TPI1: variants seen among roughly 807,000 people sequenced by gnomAD.
TPI1 encodes the protein triosephosphate isomerase 1.
A neutral mutation model predicts 31.0 loss-of-function variants in TPI1; 11 were observed. The observed-to-expected ratio is 0.36, with a 90% CI of 0.22 to 0.59. The LOEUF (loss-of-function observed/expected upper bound fraction) is 0.59, where lower values mean the gene tolerates loss of function less well. TPI1 is among the 20% of genes least tolerant of loss of function. The pLI is 0.79. For missense variants in TPI1, 245 were observed against 319.7 expected (o/e 0.77, Z 1.78); for synonymous variants, 121 against 122.8 (o/e 0.99, Z 0.10).
rs782054747 is a variant in TPI1, at chr12:6,869,813, C to T, written c.543+40C>T. ...GAGCCCTGCCCTCATCCCAGCCTGCCTCAATAGGTTTGGACAGACACAGCC... is the reference window on the plus strand; with the variant it reads ...GAGCCCTGCCCTCATCCCAGCCTGCTTCAATAGGTTTGGACAGACACAGCC... On this transcript the variant is annotated intron_variant, in intron 5 of 6. Transcript: ENST00000396705. 2.5e-6 allele frequency: 4 copies of T among 1,606,444 alleles called. No homozygotes were observed. The Admixed American group carries it at 5.0e-5, about 20-fold the overall frequency.
Position 6,867,697 on chromosome 12 carries a change from G to A in TPI1, c.115+16G>A. The A allele has an allele frequency of 6.3e-7, 1 of 1,595,394 alleles. No individual in the cohort carries two copies. On this transcript the variant is annotated intron_variant, in intron 1 of 6. Coordinates refer to ENST00000396705, the MANE Select transcript of TPI1 (RefSeq NM_000365.6). The stretch of plus-strand genomic sequence containing the variant: ...GCCGACACCGGTAAGCCCTCGCCGA[G>A]GAGGGGTCTGGCCGGGCCGGGGCCG...
chr12:6,870,408 C>T lies in TPI1; in HGVS notation c.*25C>T. On this transcript the variant is annotated 3_prime_UTR_variant, in exon 7 of 7. Coordinates refer to ENST00000396705, the MANE Select transcript of TPI1 (RefSeq NM_000365.6). ...AGCCCCATCCATCTTCCCTACCCTT[C>T]CTGCCAAGCCAGGGACTAAGCAGCC... 6.4e-7 allele frequency: 1 copy of T among 1,564,456 alleles called. No homozygotes were observed. Among genetic ancestry groups the T allele is most frequent in the East Asian group, 2.2e-5 (1 of 44,660 alleles).
rs1591614894 is a variant in TPI1 at position 6,867,645 on chromosome 12, G to A, written c.79G>A (p.Gly27Ser). 2 of 1,611,788 alleles carry A rather than the reference G, an allele frequency of 1.2e-6. No individual in the cohort carries two copies. The highest frequency in any genetic ancestry group is 1.7e-6 in the Non-Finnish European group (2 of 1,179,346). ...GAAGCAGAGTCTGGGGGAGCTCATC[G>A]GCACTCTGAACGCGGCCAAGGTGCC... ...GRKQSLGELI[G>S]TLNAAKVPAD... Residue 27 changes from glycine (G) to serine (S), a missense_variant, in exon 1 of 7, where the codon GGC (glycine) becomes AGC (serine). Physicochemically the swap from Gly to Ser is moderately conservative, Grantham distance 56. This residue lies in a region of TPI1 where 95 missense variants were observed against 96.4 expected (regional missense o/e 0.99). Coordinates refer to ENST00000396705, the MANE Select transcript of TPI1 (RefSeq NM_000365.6).
Position 6,870,139 on chromosome 12 carries a change from G to A in TPI1, c.631+3G>A, listed in dbSNP as rs782339549. ...GAGCACCCGTATCATTTATGGAGGT[G>A]AGTGGCTTTGGTTCCCGGCTGAGGT... On this transcript the variant is annotated splice_donor_region_variant and intron_variant, in intron 6 of 6. Coordinates refer to ENST00000396705, the MANE Select transcript of TPI1 (RefSeq NM_000365.6). The A allele has an allele frequency of 9.3e-6, 15 of 1,612,482 alleles. No homozygotes were observed. The East Asian group carries it at 3.3e-4, about 36-fold the overall frequency.
At chr12:6,868,728 G>C in intron 1 of TPI1, 136 bp from the exon 2 acceptor site, 5 of 1,443,696 alleles carry the variant, frequency 3.5e-6, no homozygotes, top group Non-Finnish European at 4.7e-6. Context: ...AGGTCATCTT[G>C]CTGGGGTGAA....
rs199765467 is a variant in TPI1, at chr12:6,870,229, A to G, written c.632-36A>G. ...GGTGGGGATGGGGCAGACTCATCCCATTCTTGACCAAGCCCTTGTTCTGCT... is the reference window on the plus strand; with the variant it reads ...GGTGGGGATGGGGCAGACTCATCCCGTTCTTGACCAAGCCCTTGTTCTGCT... On this transcript the variant is annotated intron_variant, in intron 6 of 6. Coordinates refer to ENST00000396705, the MANE Select transcript of TPI1 (RefSeq NM_000365.6). 2.0e-5 allele frequency: 32 copies of G among 1,605,988 alleles called. No individual in the cohort carries two copies. The East Asian group carries it at 6.5e-4, about 32-fold the overall frequency.
chr12:6,869,443 A>AG (rs1213167271), intron 4 of TPI1, 53 bp downstream of exon 4: 1 of 1,611,902 alleles, frequency 6.2e-7, no homozygotes, highest in Non-Finnish European at 8.5e-7. Flanking sequence ...AGAGACTCAG[A>AG]GGGTAGGGTC....
rs917913061 is a variant in TPI1, at chr12:6,869,750, G to A, written c.520G>A (p.Gly174Ser). The change falls in exon 5 of 7, where the codon GGC becomes AGC. Residue 174 changes from glycine (G) to serine (S), a missense_variant. Gly to Ser is a moderately conservative substitution (Grantham distance 56, BLOSUM62 0). Transcript: ENST00000396705. ...TGAGCCTGTGTGGGCCATTGGTACT[G>A]GCAAGACTGCAACACCCCAACAGGT... ...AYEPVWAIGT[G>S]KTATPQQAQE... 2 of 1,614,112 alleles carry A rather than the reference G, an allele frequency of 1.2e-6. No homozygotes were observed. The highest frequency in any genetic ancestry group is 3.3e-5 in the Admixed American group (2 of 60,012).
chr12:6,870,509 A>G lies in TPI1; in HGVS notation c.*126A>G, dbSNP rs1555132754. 1.2e-6 allele frequency: 1 copy of G among 813,866 alleles called. No homozygotes were observed. The highest frequency in any genetic ancestry group is 2.4e-5 in the East Asian group (1 of 41,352). 50.4% of individuals were successfully genotyped at this position (813,866 alleles called of 1,614,324 possible). The stretch of plus-strand genomic sequence containing the variant: ...CTGCTCCTTCCTGTGGCCTCATCCA[A>G]ACTGTATCTTCCTTTACTGTTTATA... On this transcript the variant is annotated 3_prime_UTR_variant, in exon 7 of 7. Coordinates refer to ENST00000396705, the MANE Select transcript of TPI1 (RefSeq NM_000365.6).
upstream of TPI1, chr12:6,867,530 C>T (rs375321131): frequency 3.8e-5 from 61 of 1,602,952 alleles, no homozygotes; most frequent in African/African-American, 3.7e-4. Flanking sequence ...CGCGACTGCG[C>T]GCAGACACTG....
In TPI1 at chr12:6,869,737, G is replaced by T; in HGVS notation, c.507G>T (p.Trp169Cys). 6.2e-7 allele frequency: 1 copy of T among 1,614,238 alleles called. No individual in the cohort carries two copies. Residue 169 changes from tryptophan to cysteine, a missense_variant, in exon 5 of 7, where the codon TGG becomes TGT. Coordinates refer to ENST00000396705, the MANE Select transcript of TPI1 (RefSeq NM_000365.6). Reference protein sequence around the residue: ...SKVVLAYEPVWAIGTGKTATP... With the variant: ...SKVVLAYEPVCAIGTGKTATP... ...TCGTCCTGGCCTATGAGCCTGTGTG[G>T]GCCATTGGTACTGGCAAGACTGCAA...
In TPI1 at chr12:6,869,732, G is replaced by C; in HGVS notation, c.502G>C (p.Val168Leu). ...WSKVVLAYEP[V>L]WAIGTGKTAT... Reference sequence around the variant, plus strand: ...CAAGGTCGTCCTGGCCTATGAGCCTGTGTGGGCCATTGGTACTGGCAAGAC... The same window carrying C: ...CAAGGTCGTCCTGGCCTATGAGCCTCTGTGGGCCATTGGTACTGGCAAGAC... Residue 168 changes from valine to leucine, a missense_variant, in exon 5 of 7, where the codon GTG (valine) becomes CTG (leucine). Around this residue, in one of 3 missense-constraint regions of TPI1, gnomAD observed 127 missense variants for 163.7 expected, o/e 0.78. Coordinates refer to ENST00000396705, the MANE Select transcript of TPI1 (RefSeq NM_000365.6). 5 of 1,614,254 alleles carry C rather than the reference G, an allele frequency of 3.1e-6. No homozygotes were observed. Among genetic ancestry groups the C allele is most frequent in the Non-Finnish European group, 3.4e-6 (4 of 1,180,042 alleles).
chr12:6,868,618 T>A, intron 1 of TPI1: 1 of 1,361,486 alleles, frequency 7.3e-7, no homozygotes, highest in Non-Finnish European at 9.6e-7. Context: ...CCCCAGCTGT[T>A]AAAAGAGCAG....
intron 1 of TPI1, chr12:6,868,009 T>C (rs782196420): frequency 1.4e-5 from 16 of 1,161,060 alleles, no homozygotes; most frequent in African/African-American, 1.7e-5. Flanking sequence ...AGCCCGAGGC[T>C]CTGCGGGAGA....
intron 1 of TPI1, chr12:6,868,397 G>A: frequency 1.6e-6 from 2 of 1,288,338 alleles, no homozygotes; most frequent in South Asian, 1.2e-5. Context: ...GGAGAGCCGC[G>A]GGCCTGATCC....
intron 1 of TPI1, chr12:6,868,301 C>T (rs1247327166): frequency 2.3e-6 from 3 of 1,287,494 alleles, no homozygotes; most frequent in African/African-American, 1.5e-5. Context: ...AACAGCAAAG[C>T]GCAAGGCCTC....
rs1360176743 is a variant in TPI1, at chr12:6,868,502, A to T, written c.116-362A>T. 10 of 1,282,092 alleles carry T rather than the reference A, an allele frequency of 7.8e-6. No homozygotes were observed. In the Admixed American group the frequency reaches 2.4e-4, roughly 30 times the overall value. 79.4% of individuals were successfully genotyped at this position (1,282,092 alleles called of 1,614,324 possible). A position where few individuals can be genotyped will look rare whatever the true frequency, so the allele number is the denominator to read the frequency against. ...TTTTGCTACAAATCCTTGCCTTGCA[A>T]AGGGGAGGTGAGGATGGGCTATTTT... On this transcript the variant is annotated intron_variant, in intron 1 of 6. Coordinates refer to ENST00000396705, the MANE Select transcript of TPI1 (RefSeq NM_000365.6).
intron 6 of TPI1, 21 bp downstream of exon 6, chr12:6,870,157 G>A: frequency 6.2e-7 from 1 of 1,612,152 alleles, no homozygotes; most frequent in Non-Finnish European, 8.5e-7. Context: ...TTGGTTCCCG[G>A]CTGAGGTGGA....
chr12:6,867,553 T>A lies in TPI1; in HGVS notation c.-14T>A. 1 of 1,611,184 alleles carries A rather than the reference T, an allele frequency of 6.2e-7. No individual in the cohort carries two copies. Among genetic ancestry groups the A allele is most frequent in the South Asian group, 1.1e-5 (1 of 90,818 alleles). On this transcript the variant is annotated 5_prime_UTR_variant, in exon 1 of 7. Coordinates refer to ENST00000396705, the MANE Select transcript of TPI1 (RefSeq NM_000365.6). ...CGCGCAGACACTGACCTTCAGCGCC[T>A]CGGCTCCAGCGCCATGGCGCCCTCC...
Sources: gnomAD v4.1 joint callset for allele counts on GRCh38, gnomAD v4.1.1 for gene constraint, gnomAD v4.1.1 regional missense constraint, MANE v1.5 for transcripts, NCBI Gene and HGNC (gene_info 2026-07-23, HGNC 2026-07-21) for gene names.